CRISPLD1: variants seen among roughly 807,000 people sequenced by gnomAD.
The protein encoded by CRISPLD1 is cysteine rich secretory protein LCCL domain containing 1.
A neutral mutation model predicts 77.5 loss-of-function variants in CRISPLD1; 60 were observed. The observed-to-expected ratio is 0.77, with a 90% confidence interval of 0.63 to 0.96. The LOEUF is 0.96. Ranked by LOEUF, CRISPLD1 falls within the 40% of genes least tolerant of loss-of-function variation. CRISPLD1 has a pLI of 0.00. For missense variants in CRISPLD1, 623 were observed against 615.8 expected, an observed-to-expected ratio of 1.01 and a Z score of -0.12; for synonymous variants, 195 against 200.1, an observed-to-expected ratio of 0.97 and a Z score of 0.22.
intron 12 of CRISPLD1, among the ~76,000 whole-genome samples, chr8:75,022,856 A>G (rs28447090): frequency 0.37 from 56,664 of 151,678 alleles, 11,709 homozygotes; most frequent in African/African-American, 0.56. Context: ...CTGGTAGAAC[A>G]ATTCAAAATA....
chr8:75,020,157 A>G, intron 12 of CRISPLD1, 78 bp downstream of exon 12: 1 of 1,167,520 alleles, frequency 8.6e-7, no homozygotes, highest in Non-Finnish European at 1.3e-6. Context: ...TCTGGGATTC[A>G]AAAGTTGTAT....
intron 2 of CRISPLD1, among the ~76,000 whole-genome samples, chr8:75,002,292 AC>A (rs1269444531): frequency 1.3e-5 from 2 of 150,372 alleles, no homozygotes; most frequent in East Asian, 3.9e-4. Flanking sequence ...ATGTGAAGAG[AC>A]AGGATACATT....
chr8:75,012,403 T>C, intron 2 of CRISPLD1, 30 bp from the exon 3 acceptor site: 1 of 1,305,330 alleles, frequency 7.7e-7, no homozygotes, highest in Non-Finnish European at 1.1e-6. Context: ...ATGCTACATG[T>C]GCACATTTTG....
intron 5 of CRISPLD1, 133 bp downstream of exon 5, chr8:75,014,235 T>C (rs1404478165): frequency 1.6e-5 from 10 of 635,096 alleles, no homozygotes; most frequent in Non-Finnish European, 2.2e-5. Flanking sequence ...TTATTTAATA[T>C]GGCAACAATT....
intron 14 of CRISPLD1, 38 bp from the exon 15 acceptor site, chr8:75,032,153 A>ACAG: frequency 7.3e-7 from 1 of 1,373,588 alleles, no homozygotes; most frequent in Admixed American, 1.8e-5. Flanking sequence ...TATAGAGATG[A>ACAG]CATCAATATA....
chr8:75,031,366 G>T (rs1406797730), intron 14 of CRISPLD1, among the ~76,000 whole-genome samples: 2 of 151,910 alleles, frequency 1.3e-5, no homozygotes, highest in Non-Finnish European at 2.9e-5. Context: ...TTATGTAAAA[G>T]CTTCAAAAGC....
At chr8:75,030,867 CAT>C (rs1030671866) in intron 14 of CRISPLD1, among the ~76,000 whole-genome samples, 4 of 149,600 alleles carry the variant, frequency 2.7e-5, no homozygotes, top group African/African-American at 7.4e-5. Flanking sequence ...TATACACACA[CAT>C]ATAGATACGT....
intron 2 of CRISPLD1, among the ~76,000 whole-genome samples, chr8:75,004,863 G>A (rs1395873036): frequency 6.6e-6 from 1 of 152,008 alleles, no homozygotes; most frequent in Non-Finnish European, 1.5e-5. Context: ...AGAAGTCTGT[G>A]CTTTATTTAA....
chr8:75,030,734 ATATG>A (rs372853283), intron 14 of CRISPLD1, among the ~76,000 whole-genome samples: 22 of 134,198 alleles, frequency 1.6e-4, no homozygotes, highest in Admixed American at 4.3e-4. Flanking sequence ...GTCTGTGTAT[ATATG>A]TATGAGTGTG....
intron 2 of CRISPLD1, among the ~76,000 whole-genome samples, chr8:75,007,206 G>A (rs1329365519): frequency 6.6e-6 from 1 of 152,106 alleles, no homozygotes; most frequent in Non-Finnish European, 1.5e-5. Flanking sequence ...AATCTGGAAA[G>A]AGTATTAATT....
At position 75,029,415 on chromosome 8, in the gene CRISPLD1, A is replaced by G. The variant is rs1015300454; in HGVS notation, c.1349A>G (p.His450Arg). Residue 450 changes from histidine (H) to arginine (R), a missense_variant, in exon 14 of 15, where the codon CAT becomes CGT. By Grantham distance (29) the His-to-Arg change is conservative. Coordinates refer to ENST00000262207, the MANE Select transcript of CRISPLD1 (RefSeq NM_031461.6). ...TCCAGTATCTGCAGAGCAGCAGTACATGCTGGAGTGGTTCGAAATCACGGT... is the reference window on the plus strand; with the variant it reads ...TCCAGTATCTGCAGAGCAGCAGTACGTGCTGGAGTGGTTCGAAATCACGGT... ...DLSSICRAAV[H>R]AGVVRNHGGY... The G allele has an allele frequency of 2.5e-6, 4 of 1,613,604 alleles. No homozygotes were observed. The highest frequency in any genetic ancestry group is 3.4e-6 in the Non-Finnish European group (4 of 1,179,708).
At chr8:75,020,143 T>C (rs1813108049) in intron 12 of CRISPLD1, 64 bp downstream of exon 12, 1 of 1,315,010 alleles carries the variant, frequency 7.6e-7, no homozygotes, top group African/African-American at 1.5e-5. Flanking sequence ...GAAATTCTGA[T>C]GTCTCTGGGA....
At chr8:75,009,585 T>TA (rs77136798) in intron 2 of CRISPLD1, among the ~76,000 whole-genome samples, 133 of 144,866 alleles carry the variant, frequency 9.2e-4, no homozygotes, top group South Asian at 2.2e-3. Context: ...ATTGATATAT[T>TA]AAAAAAAAAA....
intron 14 of CRISPLD1, among the ~76,000 whole-genome samples, chr8:75,031,424 T>C (rs1233429973): frequency 2.0e-5 from 3 of 152,086 alleles, no homozygotes; most frequent in Non-Finnish European, 4.4e-5. Flanking sequence ...ACCAATCTGT[T>C]TTAACTTTTA....
At chr8:75,020,748 A>G (rs1274380034) in intron 12 of CRISPLD1, among the ~76,000 whole-genome samples, 1 of 152,230 alleles carries the variant, frequency 6.6e-6, no homozygotes, top group Non-Finnish European at 1.5e-5. Context: ...CATAACTCAT[A>G]TTTTAACATC....
At chr8:74,998,741 G>T (rs1812686271) in intron 2 of CRISPLD1, among the ~76,000 whole-genome samples, 1 of 144,004 alleles carries the variant, frequency 6.9e-6, no homozygotes, top group Non-Finnish European at 1.5e-5. Context: ...CAGTGAAGAA[G>T]TTTACTATAT....
At chr8:75,021,928 A>G (rs1343528403) in intron 12 of CRISPLD1, among the ~76,000 whole-genome samples, 2 of 152,194 alleles carry the variant, frequency 1.3e-5, no homozygotes, top group African/African-American at 4.8e-5. Context: ...TATGAGGACC[A>G]AATAATAAGG....
At position 75,030,742 on chromosome 8, in the gene CRISPLD1, G is replaced by T. The variant is rs191033976; in HGVS notation, c.1451+1225G>T. ...TGTGTGTGTCTGTGTATATATGTATGAGTGTGTGTATATATGTGTGTATAT... is the reference window on the plus strand; with the variant it reads ...TGTGTGTGTCTGTGTATATATGTATTAGTGTGTGTATATATGTGTGTATAT... On this transcript the variant is annotated intron_variant, in intron 14 of 14. Transcript: ENST00000262207. 9.7e-4 allele frequency among the ~76,000 whole-genome samples: 131 copies of T among 134,674 alleles called. 2 individuals are homozygous for T. Among genetic ancestry groups the T allele is most frequent in the Non-Finnish European group, 1.9e-3 (110 of 59,166 alleles). 88.4% of individuals were successfully genotyped at this position (134,674 alleles called of 152,430 possible).
In CRISPLD1 at chr8:75,018,129, T is replaced by G. The variant is rs535018437; in HGVS notation, c.1127+679T>G. Among the ~76,000 whole-genome samples the G allele has an allele frequency of 8.6e-4, 131 of 152,302 alleles. 2 individuals carry two copies. The highest frequency in any genetic ancestry group is 1.6e-3 in the Non-Finnish European group (110 of 68,018). ...TGAAGTTCATACAGAACTCCTTTTC[T>G]TAGGAAATTTGACATTGTCTCTTTT... On this transcript the variant is annotated intron_variant, in intron 10 of 14. Coordinates refer to ENST00000262207, the MANE Select transcript of CRISPLD1 (RefSeq NM_031461.6).
Sources: allele counts gnomAD v4.1 joint callset (sites outside exome capture counted in the v4.1 genomes callset), GRCh38; gene constraint gnomAD v4.1.1; transcripts MANE v1.5; gene names NCBI Gene and HGNC (gene_info 2026-07-23, HGNC 2026-07-21).